The following MYO10 variants were observed in gnomAD, a reference collection of about 807,000 sequenced individuals.
MYO10 encodes myosin X, also known as unconventional myosin-X.
In MYO10, 133 loss-of-function variants were observed where a neutral mutation model predicts 257.3. The ratio of observed to expected loss-of-function variants is 0.52; its 90% confidence interval spans 0.45 to 0.60. MYO10 has a LOEUF of 0.60. Among genes scored for constraint, MYO10 ranks in the 20% least tolerant of loss-of-function variants. The pLI, the probability that MYO10 is intolerant of heterozygous loss-of-function variation, is 0.00. For synonymous variants in MYO10, 1,104 were observed against 1,028.6 expected (o/e 1.07, Z -1.40); for missense variants, 2,399 against 2,635.7 (o/e 0.91, Z 1.97).
At chr5:16,734,477 G>C (rs1739709932) in intron 19 of MYO10, among the ~76,000 whole-genome samples, 1 of 152,096 alleles carries the variant, frequency 6.6e-6, no homozygotes, top group Non-Finnish European at 1.5e-5. Context: ...TGCTGGGAGA[G>C]CCACACAGTG....
rs765445514 is a variant in MYO10, at chr5:16,674,900, G to C, written c.4917C>G (p.Phe1639Leu). 6.2e-7 allele frequency: 1 copy of C among 1,614,018 alleles called. No homozygotes were observed. Among genetic ancestry groups the C allele is most frequent in the South Asian group, 1.1e-5 (1 of 91,084 alleles). Residue 1639 changes from phenylalanine (F) to leucine (L), a missense_variant, in exon 35 of 41, where the codon TTC becomes TTG. This residue lies in a region of MYO10 where 1,820 missense variants were observed against 1,939.4 expected (regional missense o/e 0.94). Coordinates refer to ENST00000513610, the MANE Select transcript of MYO10 (RefSeq NM_012334.3). ...ACTTGAGAATCCCTCGACTCGGCAG[G>C]AAGGTGCAGCTCAGGCATGTCAGGA... ...WQILTCLSCT[F>L]LPSRGILKYL... is the part of the protein sequence containing the mutation.
chr5:16,684,427 G>A (rs923882526), intron 29 of MYO10, among the ~76,000 whole-genome samples: 4 of 152,156 alleles, frequency 2.6e-5, no homozygotes, highest in African/African-American at 9.7e-5. Flanking sequence ...TTTTAGTAGA[G>A]ATGGGGTCTC....
At chr5:16,730,340 G>A (rs1419062645) in intron 19 of MYO10, among the ~76,000 whole-genome samples, 1 of 152,200 alleles carries the variant, frequency 6.6e-6, no homozygotes, top group African/African-American at 2.4e-5. Context: ...TCTGCCTGGA[G>A]AGAGAGAAGG....
intron 3 of MYO10, among the ~76,000 whole-genome samples, chr5:16,796,936 C>T (rs999446850): frequency 6.6e-6 from 1 of 152,002 alleles, no homozygotes; most frequent in East Asian, 1.9e-4. Flanking sequence ...AATTTGAACA[C>T]ACAAAAAGAC....
Position 16,664,758 on chromosome 5 carries a change from C to G in MYO10, c.*1934G>C, listed in dbSNP as rs1736088631. 6.6e-6 allele frequency: 1 copy of G among 152,188 alleles called. No individual in the cohort carries two copies. Among genetic ancestry groups the G allele is most frequent in the Non-Finnish European group, 1.5e-5 (1 of 68,050 alleles). 9.4% of individuals were successfully genotyped at this position (152,188 alleles called of 1,614,324 possible). ...GGGACTGTCTGACATAAACACATTT[C>G]AAGTCCTCAGCTGTGTGTGACTTCA... On this transcript the variant is annotated 3_prime_UTR_variant, in exon 41 of 41. Coordinates refer to ENST00000513610, the MANE Select transcript of MYO10 (RefSeq NM_012334.3).
chr5:16,871,840 C>T (rs1422795826), intron 2 of MYO10, among the ~76,000 whole-genome samples: 1 of 152,194 alleles, frequency 6.6e-6, no homozygotes. Flanking sequence ...TCTTGCCTCA[C>T]TTTTCTCATA....
intron 1 of MYO10, among the ~76,000 whole-genome samples, chr5:16,905,783 G>C (rs1213042671): frequency 1.3e-5 from 2 of 152,100 alleles, no homozygotes; most frequent in African/African-American, 4.8e-5. Context: ...ACTCCTGATT[G>C]CAAAGATCAG....
chr5:16,746,891 T>C (rs1560962670), intron 19 of MYO10, among the ~76,000 whole-genome samples: 2 of 152,224 alleles, frequency 1.3e-5, no homozygotes, highest in Non-Finnish European at 2.9e-5. Context: ...GTGAATAGTC[T>C]ATAATTCCAG....
At chr5:16,840,986 C>CA (rs35494384) in intron 2 of MYO10, among the ~76,000 whole-genome samples, 127 of 150,492 alleles carry the variant, frequency 8.4e-4, no homozygotes, top group African/African-American at 2.6e-3. Context: ...ACTAAAAATA[C>CA]AAAAAAAAAT....
At chr5:16,883,801 ACT>A (rs945796621) in intron 1 of MYO10, among the ~76,000 whole-genome samples, 4 of 152,160 alleles carry the variant, frequency 2.6e-5, no homozygotes, top group Non-Finnish European at 2.9e-5. Context: ...TCTTTCCTGA[ACT>A]CTGATTGAAA....
intron 2 of MYO10, among the ~76,000 whole-genome samples, chr5:16,869,503 G>A (rs1744388227): frequency 1.3e-5 from 2 of 152,002 alleles, no homozygotes; most frequent in Non-Finnish European, 2.9e-5. Context: ...TCAAGCCCAG[G>A]AGTTACAATG....
At chr5:16,884,694 T>G (rs1237507238) in intron 1 of MYO10, among the ~76,000 whole-genome samples, 1 of 147,414 alleles carries the variant, frequency 6.8e-6, no homozygotes, top group Admixed American at 7.1e-5. Flanking sequence ...GTAGGAGTTA[T>G]CTTTCCAACT....
chr5:16,676,691 G>A (rs1736739860), intron 33 of MYO10, among the ~76,000 whole-genome samples: 1 of 152,168 alleles, frequency 6.6e-6, no homozygotes, highest in South Asian at 2.1e-4. Flanking sequence ...ACTCCAGCCT[G>A]GCTGACAGAG....
At chr5:16,863,329 T>C (rs796728965) in intron 2 of MYO10, among the ~76,000 whole-genome samples, 1 of 152,072 alleles carries the variant, frequency 6.6e-6, no homozygotes, top group Non-Finnish European at 1.5e-5. Context: ...CCAAAGGGGC[T>C]GGGGTGGGAA....
chr5:16,746,734 C>T (rs1000120035), intron 19 of MYO10, among the ~76,000 whole-genome samples: 4 of 152,284 alleles, frequency 2.6e-5, no homozygotes, highest in South Asian at 2.1e-4. Flanking sequence ...TGCAAAGCAA[C>T]GAGCAAGAGC....
At chr5:16,705,872 G>A (rs190552614) in intron 21 of MYO10, among the ~76,000 whole-genome samples, 1 of 152,062 alleles carries the variant, frequency 6.6e-6, no homozygotes, top group Middle Eastern at 3.4e-3. Flanking sequence ...AATTATTATT[G>A]TATTATATAT....
intron 19 of MYO10, among the ~76,000 whole-genome samples, chr5:16,752,321 T>C (rs79578533): frequency 0.025 from 3,733 of 152,202 alleles, 177 homozygotes; most frequent in African/African-American, 0.085. Flanking sequence ...CTTGCTGTAT[T>C]CCACAGGCTG....
At chr5:16,800,864 G>A (rs757400530) in intron 3 of MYO10, among the ~76,000 whole-genome samples, 5 of 151,890 alleles carry the variant, frequency 3.3e-5, no homozygotes, top group African/African-American at 9.7e-5. Flanking sequence ...CGTGGTTAAC[G>A]TAACAGAAGA....
At position 16,836,859 on chromosome 5, in the gene MYO10, A is replaced by G. The variant is rs189314377; in HGVS notation, c.121-18692T>C. Among the ~76,000 whole-genome samples the G allele has an allele frequency of 5.4e-3, 823 of 152,314 alleles. 7 individuals are homozygous for G. Among genetic ancestry groups the G allele is most frequent in the Non-Finnish European group, 8.6e-3 (582 of 68,032 alleles). ...ACTCCTAGATATATACCCAAGAAAA[A>G]TAAAAACGTATGTCCACACGAAAAG... is the stretch of plus-strand genomic sequence containing the variant. On this transcript the variant is annotated intron_variant, in intron 2 of 40. Coordinates refer to ENST00000513610, the MANE Select transcript of MYO10 (RefSeq NM_012334.3).
Sources: gnomAD v4.1 joint callset for allele counts (sites outside exome capture counted in the v4.1 genomes callset) on GRCh38, gnomAD v4.1.1 for gene constraint, gnomAD v4.1.1 regional missense constraint, MANE v1.5 for transcripts, NCBI Gene and HGNC (gene_info 2026-07-23, HGNC 2026-07-21) for gene names.